Variants in SH3BP2 observed in about 807,000 individuals in gnomAD.
SH3BP2 encodes the protein SH3 domain-binding protein 2.
A neutral mutation model predicts 56.2 loss-of-function variants in SH3BP2; 38 were observed. The ratio of observed to expected loss-of-function variants is 0.68; its 90% CI spans 0.52 to 0.89. SH3BP2 has a LOEUF of 0.89. Among genes scored for constraint, SH3BP2 ranks in the 40% least tolerant of loss-of-function variants. The pLI is 0.00. For missense variants in SH3BP2, 748 were observed against 762.6 expected (o/e 0.98, Z 0.23); for synonymous variants, 346 against 316.7 (o/e 1.09, Z -0.98).
chr4:2,820,778 C>T (rs778666919), intron 2 of SH3BP2, 25 bp downstream of exon 2: 3 of 1,606,478 alleles, frequency 1.9e-6, no homozygotes, highest in Non-Finnish European at 2.6e-6. Context: ...TGGTAGGGTG[C>T]ACAGTAGGAG....
At chr4:2,832,735 C>T (rs1422844232) in intron 11 of SH3BP2, among the ~76,000 whole-genome samples, 1 of 152,214 alleles carries the variant, frequency 6.6e-6, no homozygotes, top group Non-Finnish European at 1.5e-5. Flanking sequence ...GTTGTGACCT[C>T]ACTGAGCCAT....
At chr4:2,814,498 GCA>G (rs34086288) in intron 1 of SH3BP2, among the ~76,000 whole-genome samples, 24,817 of 151,312 alleles carry the variant, frequency 0.16, 3,062 homozygotes, top group African/African-American at 0.35. Flanking sequence ...ATGTGCATGT[GCA>G]CACACACACA....
At position 2,829,464 on chromosome 4, in the gene SH3BP2, G is replaced by A. The variant is rs765103306; in HGVS notation, c.587-29G>A. On this transcript the variant is annotated intron_variant, in intron 7 of 12. Transcript: ENST00000503393. This position sits in a 1 kb window ranked among gnomAD's most constrained non-coding sequence, Gnocchi z 4.9. ...ATAGTGTTGGCCCAGTCTCTGTCAG[G>A]GTCCAACCCGGGTCTCTTTGCTCTG... 24 of 1,612,564 alleles carry A rather than the reference G, an allele frequency of 1.5e-5. No individual in the cohort carries two copies. The highest frequency in any genetic ancestry group is 2.0e-5 in the Non-Finnish European group (23 of 1,179,402).
intron 11 of SH3BP2, 96 bp from the exon 12 acceptor site, chr4:2,832,894 T>C (rs1725070939): frequency 4.7e-6 from 6 of 1,272,366 alleles, no homozygotes; most frequent in Non-Finnish European, 5.7e-6. Flanking sequence ...GGACCCAGCC[T>C]TGATGGTTCT....
intron 1 of SH3BP2, among the ~76,000 whole-genome samples, chr4:2,805,044 G>A (rs920678294): frequency 6.6e-6 from 1 of 152,234 alleles, no homozygotes. Context: ...ATCACAAGAG[G>A]TGACTGTGGG....
chr4:2,832,455 C>T (rs1725042156), intron 11 of SH3BP2, 43 bp downstream of exon 11: 1 of 1,497,492 alleles, frequency 6.7e-7, no homozygotes, highest in African/African-American at 1.4e-5. Flanking sequence ...TCTGGCTCTC[C>T]ACACACCCAG....
intron 1 of SH3BP2, chr4:2,796,431 C>T (rs762668410): frequency 9.1e-6 from 9 of 985,518 alleles, no homozygotes; most frequent in South Asian, 4.7e-5. Context: ...TCCCGGCCCC[C>T]GATCACAGAT....
At chr4:2,817,212 G>A (rs1159013402) in intron 1 of SH3BP2, among the ~76,000 whole-genome samples, 1 of 152,248 alleles carries the variant, frequency 6.6e-6, no homozygotes, top group East Asian at 1.9e-4. Flanking sequence ...TTAGCACTGA[G>A]CAGTGATGGG....
chr4:2,796,330 A>T (rs868181788), intron 1 of SH3BP2: 1 of 800,572 alleles, frequency 1.2e-6, no homozygotes, highest in Non-Finnish European at 1.5e-6. Context: ...GGCTCCCAGG[A>T]GGGGAGAAAG....
chr4:2,813,837 G>A (rs541876668), intron 1 of SH3BP2, among the ~76,000 whole-genome samples: 2 of 152,338 alleles, frequency 1.3e-5, no homozygotes, highest in South Asian at 4.1e-4. Context: ...GTATATATGT[G>A]TTAGTGTGGA....
rs539701566 is a variant in SH3BP2, at chr4:2,825,184, C to T, written c.416C>T (p.Pro139Leu). 5 of 1,581,304 alleles carry T rather than the reference C, an allele frequency of 3.2e-6. No homozygotes were observed. The Admixed American group carries it at 5.4e-5, about 17-fold the overall frequency. The stretch of plus-strand genomic sequence containing the variant: ...CACTTCCACGAAAAGAAAGACCTGC[C>T]CTTGGACACCAGGTGAGCCCGGGCC... The part of the protein sequence containing the change: ...IGHFHEKKDL[P>L]LDTSDSSSDT... Residue 139 changes from proline to leucine, a missense_variant, in exon 5 of 13, where the codon CCC becomes CTC. This residue lies in a region of SH3BP2 where 635 missense variants were observed against 615.0 expected (regional missense o/e 1.03). Transcript: ENST00000503393.
At chr4:2,832,753 C>T (rs945597308) in intron 11 of SH3BP2, among the ~76,000 whole-genome samples, 30 of 152,182 alleles carry the variant, frequency 2.0e-4, no homozygotes, top group African/African-American at 6.0e-4. Context: ...CATGCTCTCC[C>T]GGGTGTGTCG....
intron 1 of SH3BP2, among the ~76,000 whole-genome samples, chr4:2,803,312 C>A (rs1481618364): frequency 6.6e-6 from 1 of 152,214 alleles, no homozygotes; most frequent in Non-Finnish European, 1.5e-5. Context: ...CCAGCAGGAG[C>A]CCCAGGGCCT....
At position 2,837,276 on chromosome 4, in the gene SH3BP2, AC is replaced by A. The variant is rs1167654722; in HGVS notation, c.*3444del. On this transcript the variant is annotated 3_prime_UTR_variant, in exon 13 of 13. Coordinates refer to ENST00000503393, the MANE Select transcript of SH3BP2 (RefSeq NM_001122681.2). Reference sequence around the variant, plus strand: ...ACTCCTGACCTCAACTGATCCGCCCACCTTGGCCTCCCAAGTGCTGGGATTA... The same window carrying A: ...ACTCCTGACCTCAACTGATCCGCCCACTTGGCCTCCCAAGTGCTGGGATTA... The A allele has an allele frequency of 1.3e-5, 2 of 152,128 alleles. No individual in the cohort carries two copies. Among genetic ancestry groups the A allele is most frequent in the Non-Finnish European group, 2.9e-5 (2 of 68,030 alleles). 9.4% of individuals were successfully genotyped at this position (152,128 alleles called of 1,614,324 possible).
intron 12 of SH3BP2, chr4:2,833,475 G>A (rs1725109306): frequency 1.6e-6 from 1 of 638,312 alleles, no homozygotes; most frequent in South Asian, 1.8e-5. Flanking sequence ...AGTGCTCTGG[G>A]TGCAGGCTCC....
In SH3BP2 at chr4:2,831,475, T is replaced by A; in HGVS notation, c.1242-96T>A. 1.1e-6 allele frequency: 1 copy of A among 914,518 alleles called. No individual in the cohort carries two copies. Among genetic ancestry groups the A allele is most frequent in the Non-Finnish European group, 1.8e-6 (1 of 566,604 alleles). 56.7% of individuals were successfully genotyped at this position (914,518 alleles called of 1,614,324 possible). ...AGGGGCCATAGCAGGCAGCTTGCCG[T>A]CCTCACACAGAGGGTGGAGTGGGGA... On this transcript the variant is annotated intron_variant, in intron 8 of 12. Transcript: ENST00000503393. The surrounding 1 kb of genome is among the most constrained non-coding windows in gnomAD (Gnocchi z 4.1).
At chr4:2,801,638 CA>C (rs2108700318) in intron 1 of SH3BP2, among the ~76,000 whole-genome samples, 1 of 152,306 alleles carries the variant, frequency 6.6e-6, no homozygotes, top group African/African-American at 2.4e-5. Context: ...TGAGTGGCCC[CA>C]GGAGGAAGCC....
intron 7 of SH3BP2, among the ~76,000 whole-genome samples, chr4:2,828,604 C>G (rs1442002843): frequency 6.6e-6 from 1 of 152,232 alleles, no homozygotes; most frequent in Non-Finnish European, 1.5e-5. Flanking sequence ...GCCTGGCTGG[C>G]CAAGCCTTGG....
Position 2,831,482 on chromosome 4 carries a change from ACAGAGGGTGGAGTGGGGAGGGGAG to A in SH3BP2, c.1242-78_1242-55del. On this transcript the variant is annotated intron_variant, in intron 8 of 12. Transcript: ENST00000503393. The surrounding 1 kb of genome is among the most constrained non-coding windows in gnomAD (Gnocchi z 4.1). ...ATAGCAGGCAGCTTGCCGTCCTCACACAGAGGGTGGAGTGGGGAGGGGAGCAGAGGGTGGCCGCCCCGTGTCTGA... is the reference window on the plus strand; with the variant it reads ...ATAGCAGGCAGCTTGCCGTCCTCACACAGAGGGTGGCCGCCCCGTGTCTGA... 6.1e-6 allele frequency: 6 copies of A among 984,360 alleles called. No homozygotes were observed. The South Asian group carries it at 8.3e-5, about 14-fold the overall frequency. The allele number at this position is 984,360 out of a possible 1,614,324, so 61.0% of individuals were successfully genotyped here.
Sources: allele counts gnomAD v4.1 joint callset (sites outside exome capture counted in the v4.1 genomes callset), GRCh38; gene constraint gnomAD v4.1.1; regional missense constraint gnomAD v4.1.1; non-coding constraint Gnocchi (gnomAD v3.1); transcripts MANE v1.5; gene names NCBI Gene and HGNC (gene_info 2026-07-23, HGNC 2026-07-21).